Variants in CAPZB observed in about 807,000 individuals in gnomAD.
CAPZB encodes F-actin-capping protein subunit beta.
A neutral mutation model predicts 38.1 loss-of-function variants in CAPZB; 2 were observed. The observed-to-expected ratio is 0.05, with a 90% confidence interval of 0.02 to 0.17. The LOEUF (loss-of-function observed/expected upper bound fraction) is 0.17. Ranked by LOEUF, CAPZB falls within the 10% of genes least tolerant of loss-of-function variation. CAPZB has a pLI of 1.00. For synonymous variants in CAPZB, 107 were observed against 127.4 expected, an observed-to-expected ratio of 0.84 and a Z score of 1.08; for missense variants, 161 against 334.2, an observed-to-expected ratio of 0.48 and a Z score of 4.04.
At chr1:19,361,085 C>G (rs879708345) in intron 4 of CAPZB, among the ~76,000 whole-genome samples, 1 of 152,156 alleles carries the variant, frequency 6.6e-6, no homozygotes, top group Non-Finnish European at 1.5e-5. Flanking sequence ...GGCACAGAAT[C>G]ATTAGCATTT....
chr1:19,449,783 CA>C (rs66655807), intron 1 of CAPZB, among the ~76,000 whole-genome samples: 28,867 of 87,620 alleles, frequency 0.33, 2,700 homozygotes, highest in Non-Finnish European at 0.36. Flanking sequence ...GAGTCTGTCT[CA>C]AAAAAAAAAA....
At chr1:19,405,416 G>A (rs2094326071) in intron 2 of CAPZB, among the ~76,000 whole-genome samples, 1 of 151,934 alleles carries the variant, frequency 6.6e-6, no homozygotes, top group African/African-American at 2.4e-5. Context: ...GGCAGCGTTT[G>A]GGACTAGGAA....
chr1:19,406,284 G>A (rs996786555), intron 2 of CAPZB, among the ~76,000 whole-genome samples: 4 of 152,172 alleles, frequency 2.6e-5, no homozygotes, highest in African/African-American at 9.7e-5. Context: ...GGGTGCACTG[G>A]AACCCAACGC....
At chr1:19,368,490 T>C (rs980412632) in intron 4 of CAPZB, among the ~76,000 whole-genome samples, 4 of 118,508 alleles carry the variant, frequency 3.4e-5, no homozygotes, top group East Asian at 2.2e-4. Flanking sequence ...CCATTTTTTT[T>C]CTTGGAAAAA....
intron 1 of CAPZB, among the ~76,000 whole-genome samples, chr1:19,438,988 T>C (rs2094467184): frequency 6.6e-6 from 1 of 152,230 alleles, no homozygotes; most frequent in Non-Finnish European, 1.5e-5. Context: ...TTCCAATCAA[T>C]GATGGAAACC....
intron 2 of CAPZB, among the ~76,000 whole-genome samples, chr1:19,399,849 T>C (rs1042571882): frequency 6.6e-5 from 10 of 152,326 alleles, no homozygotes; most frequent in Admixed American, 5.9e-4. Context: ...GTTCAAGACT[T>C]GAGAGTTACT....
At chr1:19,399,867 T>C (rs2094293582) in intron 2 of CAPZB, among the ~76,000 whole-genome samples, 1 of 152,160 alleles carries the variant, frequency 6.6e-6, no homozygotes, top group Non-Finnish European at 1.5e-5. Flanking sequence ...ACTCAAAAGT[T>C]TGTGTCATCC....
intron 1 of CAPZB, among the ~76,000 whole-genome samples, chr1:19,440,826 C>T (rs1018506199): frequency 6.6e-6 from 1 of 152,096 alleles, no homozygotes; most frequent in South Asian, 2.1e-4. Context: ...TTTGGGAGGC[C>T]GAGGAGGGCA....
At chr1:19,469,271 T>C (rs556522578) in intron 1 of CAPZB, among the ~76,000 whole-genome samples, 60 of 152,298 alleles carry the variant, frequency 3.9e-4, no homozygotes, top group South Asian at 1.0e-3. Context: ...GCTCTACAGA[T>C]GAACATCTTT....
At position 19,356,894 on chromosome 1, in the gene CAPZB, C is replaced by T; in HGVS notation, c.472-143G>A. On this transcript the variant is annotated intron_variant, in intron 5 of 8. Transcript: ENST00000264202. This position sits in a 1 kb window ranked among gnomAD's most constrained non-coding sequence, Gnocchi z 4.3. Reference sequence around the variant, plus strand: ...TTTTTAAATTGGAGACAAAGTCTCGCTCTGTCACCCAGGCTGGAGTGCAGT... The same window carrying T: ...TTTTTAAATTGGAGACAAAGTCTCGTTCTGTCACCCAGGCTGGAGTGCAGT... 1.6e-6 allele frequency: 1 copy of T among 642,372 alleles called. No homozygotes were observed. 39.8% of individuals were successfully genotyped at this position (642,372 alleles called of 1,614,324 possible).
intron 4 of CAPZB, among the ~76,000 whole-genome samples, chr1:19,371,406 G>A (rs529539865): frequency 9.8e-5 from 15 of 152,336 alleles, no homozygotes; most frequent in Non-Finnish European, 1.3e-4. Context: ...GGAAGGTGCT[G>A]GCTGGACGCA....
chr1:19,451,204 C>G (rs556087232), intron 1 of CAPZB, among the ~76,000 whole-genome samples: 157 of 152,308 alleles, frequency 1.0e-3, no homozygotes, highest in African/African-American at 3.5e-3. Flanking sequence ...AACTCATCAA[C>G]CTCAGCAGTT....
rs368291057 is a variant in CAPZB, at chr1:19,421,766, CTATT to C, written c.4-2020_4-2017del. Among the ~76,000 whole-genome samples, 1,138 of 152,234 alleles carry C rather than the reference CTATT, an allele frequency of 7.5e-3. 8 individuals carry two copies. Among genetic ancestry groups the C allele is most frequent in the Non-Finnish European group, 0.012 (809 of 68,022 alleles). On this transcript the variant is annotated intron_variant, in intron 1 of 8. Coordinates refer to ENST00000264202, the MANE Select transcript of CAPZB (RefSeq NM_004930.5). ...TGGGTTTCTTAATCTCTAGAAGTCT[CTATT>C]TATTTATCCATAAAATGGGAACACA...
chr1:19,368,003 A>G (rs932433856), intron 4 of CAPZB, among the ~76,000 whole-genome samples: 40 of 152,326 alleles, frequency 2.6e-4, no homozygotes, highest in African/African-American at 9.6e-4. Context: ...AGCCGTCAAC[A>G]GTCAGGGCTT....
chr1:19,378,988 A>G (rs1474740132), intron 3 of CAPZB, among the ~76,000 whole-genome samples: 1 of 152,184 alleles, frequency 6.6e-6, no homozygotes. Context: ...AAATGAGACA[A>G]GCAGATCAAG....
At chr1:19,403,248 T>C (rs1234270873) in intron 2 of CAPZB, among the ~76,000 whole-genome samples, 1 of 152,022 alleles carries the variant, frequency 6.6e-6, no homozygotes, top group Non-Finnish European at 1.5e-5. Context: ...GGCTTGACAG[T>C]GGGGATACAA....
chr1:19,417,258 C>G (rs2094384209), intron 2 of CAPZB, among the ~76,000 whole-genome samples: 1 of 152,148 alleles, frequency 6.6e-6, no homozygotes. Context: ...CTATTAAACA[C>G]CAGGAAGGGT....
At chr1:19,427,598 T>C (rs1558252133) in intron 1 of CAPZB, among the ~76,000 whole-genome samples, 1 of 152,146 alleles carries the variant, frequency 6.6e-6, no homozygotes, top group Non-Finnish European at 1.5e-5. Context: ...AGCCGACCAC[T>C]CATCTTTAGG....
intron 1 of CAPZB, among the ~76,000 whole-genome samples, chr1:19,450,686 G>A (rs781450647): frequency 1.3e-5 from 2 of 152,148 alleles, no homozygotes; most frequent in Non-Finnish European, 2.9e-5. Context: ...AGAGAAGCTG[G>A]GCACAAGGCC....
Sources: gnomAD v4.1 joint callset for allele counts (sites outside exome capture counted in the v4.1 genomes callset) on GRCh38, gnomAD v4.1.1 for gene constraint, Gnocchi (gnomAD v3.1) non-coding constraint, MANE v1.5 for transcripts, NCBI Gene and HGNC (gene_info 2026-07-23, HGNC 2026-07-21) for gene names.